The following PPM1B variants were observed in gnomAD, a reference collection of about 807,000 sequenced individuals.
The protein encoded by PPM1B is protein phosphatase, Mg2+/Mn2+ dependent 1B.
A neutral mutation model predicts 43.0 loss-of-function variants in PPM1B; 22 were observed. The ratio of observed to expected loss-of-function variants is 0.51; its 90% CI spans 0.37 to 0.73. The LOEUF (loss-of-function observed/expected upper bound fraction) is 0.73. Ranked by LOEUF, PPM1B falls within the 30% of genes least tolerant of loss-of-function variation. The pLI is 0.00. For missense variants in PPM1B, 632 were observed against 584.2 expected, an observed-to-expected ratio of 1.08 and a Z score of -0.84; for synonymous variants, 217 against 197.9, an observed-to-expected ratio of 1.10 and a Z score of -0.81.
intron 5 of PPM1B, among the ~76,000 whole-genome samples, chr2:44,239,971 A>ACTCCAGCTTGGATGACAGAGCAAGACCCT (rs1324310062): frequency 1.7e-5 from 2 of 118,748 alleles, no homozygotes; most frequent in African/African-American, 2.6e-5. Context: ...GCTGACATCT[A>ACTCCAGCTTGGATGACAGAGCAAGACCCT]GCAGGTATAC....
At chr2:44,245,788 C>T (rs1412089836), downstream of PPM1B, among the ~76,000 whole-genome samples, 1 of 152,164 alleles carries the variant, frequency 6.6e-6, no homozygotes, top group African/African-American at 2.4e-5. Context: ...TAACTATGTG[C>T]CAACCTTGTA....
chr2:44,243,434 C>G (rs908542915), intron 5 of PPM1B, among the ~76,000 whole-genome samples: 1 of 152,108 alleles, frequency 6.6e-6, no homozygotes, highest in South Asian at 2.1e-4. Flanking sequence ...TTTCATCAAC[C>G]TTCAGTTGCA....
chr2:44,171,965 A>G (rs1405095939), intron 1 of PPM1B, among the ~76,000 whole-genome samples: 1 of 152,254 alleles, frequency 6.6e-6, no homozygotes, highest in African/African-American at 2.4e-5. Flanking sequence ...TAAAAATGCA[A>G]CATACAGTAT....
At chr2:44,212,190 T>TA (rs1161539854) in intron 3 of PPM1B, among the ~76,000 whole-genome samples, 1 of 152,198 alleles carries the variant, frequency 6.6e-6, no homozygotes. Flanking sequence ...GAGAGCCTCT[T>TA]AAAACTTGTT....
intron 4 of PPM1B, 41 bp from the exon 5 acceptor site, chr2:44,218,439 T>C: frequency 6.9e-7 from 1 of 1,440,178 alleles, no homozygotes; most frequent in Non-Finnish European, 9.6e-7. Context: ...CTTAAAATTC[T>C]GTGTAATTTA....
chr2:44,235,860 C>T (rs1670593906), downstream of PPM1B, among the ~76,000 whole-genome samples: 4 of 151,738 alleles, frequency 2.6e-5, 1 homozygote, highest in South Asian at 8.4e-4. Flanking sequence ...GATCCAGCCA[C>T]TGCACAGCAG....
chr2:44,218,802 A>G (rs1001235637), intron 5 of PPM1B: 9 of 469,712 alleles, frequency 1.9e-5, no homozygotes, highest in African/African-American at 4.0e-5. Context: ...TTTCTTCTCT[A>G]TATGTCTGCT....
intron 5 of PPM1B, 74 bp from the exon 6 acceptor site, chr2:44,230,339 C>A: frequency 1.3e-6 from 2 of 1,552,074 alleles, no homozygotes; most frequent in Non-Finnish European, 1.7e-6. Context: ...TAGTATTTTG[C>A]TGTAATGTGT....
At chr2:44,243,468 T>C (rs1007033723) in intron 5 of PPM1B, among the ~76,000 whole-genome samples, 7 of 152,326 alleles carry the variant, frequency 4.6e-5, no homozygotes, top group African/African-American at 1.7e-4. Flanking sequence ...TTTTATATCC[T>C]AAGTAAATAT....
At chr2:44,210,913 G>C (rs777127228) in intron 3 of PPM1B, among the ~76,000 whole-genome samples, 3 of 152,088 alleles carry the variant, frequency 2.0e-5, no homozygotes, top group African/African-American at 2.4e-5. Context: ...TGAGGTGCAC[G>C]GCTCACGAGG....
downstream of PPM1B, among the ~76,000 whole-genome samples, chr2:44,246,187 A>T (rs986570000): frequency 6.6e-6 from 1 of 152,212 alleles, no homozygotes; most frequent in African/African-American, 2.4e-5. Context: ...TGGGTAGCAG[A>T]ACTGTCTCCT....
At position 44,231,194 on chromosome 2, in the gene PPM1B, C is replaced by G. The variant is rs191080745; in HGVS notation, c.*476C>G. The G allele has an allele frequency of 2.0e-6, 2 of 984,046 alleles. No homozygotes were observed. Among genetic ancestry groups the G allele is most frequent in the Admixed American group, 6.1e-5 (1 of 16,288 alleles). 61.0% of individuals were successfully genotyped at this position (984,046 alleles called of 1,614,324 possible). ...TGATGCTGGCCTGTAATTTTTCTTT[C>G]AAGGATGATAATTTGTGTGTTGTTT... On this transcript the variant is annotated 3_prime_UTR_variant, in exon 6 of 6. Coordinates refer to ENST00000282412, the MANE Select transcript of PPM1B (RefSeq NM_002706.6).
intron 1 of PPM1B, among the ~76,000 whole-genome samples, chr2:44,193,995 T>G (rs1327138349): frequency 6.6e-6 from 1 of 152,224 alleles, no homozygotes; most frequent in Admixed American, 6.5e-5. Flanking sequence ...GTTGCAGGCA[T>G]GAACTACTGC....
chr2:44,219,779 A>G (rs1669887685), intron 5 of PPM1B, among the ~76,000 whole-genome samples: 1 of 152,038 alleles, frequency 6.6e-6, no homozygotes, highest in African/African-American at 2.4e-5. Flanking sequence ...CCCCGTCTCT[A>G]CTAAACATAC....
chr2:44,246,340 T>G (rs909322024), downstream of PPM1B, among the ~76,000 whole-genome samples: 1 of 152,206 alleles, frequency 6.6e-6, no homozygotes, highest in Admixed American at 6.5e-5. Flanking sequence ...TGCAGGACCT[T>G]TATTTGTTCC....
chr2:44,209,415 C>A, intron 3 of PPM1B, 88 bp downstream of exon 3: 3 of 1,347,814 alleles, frequency 2.2e-6, no homozygotes, highest in South Asian at 1.5e-5. Context: ...CTGGGCGACA[C>A]ACCAAGGCTC....
At chr2:44,170,693 G>A (rs1166354086) in intron 1 of PPM1B, among the ~76,000 whole-genome samples, 1 of 152,156 alleles carries the variant, frequency 6.6e-6, no homozygotes, top group African/African-American at 2.4e-5. Flanking sequence ...ACTTTTAAAT[G>A]GGGCATTTCT....
At chr2:44,216,921 A>G (rs1406672401) in intron 3 of PPM1B, among the ~76,000 whole-genome samples, 2 of 150,782 alleles carry the variant, frequency 1.3e-5, no homozygotes, top group Admixed American at 1.3e-4. Flanking sequence ...AAAAAGGGAC[A>G]TTCACCATAC....
Position 44,212,516 on chromosome 2 carries a change from C to T in PPM1B, c.964+3189C>T, listed in dbSNP as rs570197326. 8.9e-4 allele frequency among the ~76,000 whole-genome samples: 136 copies of T among 152,242 alleles called. 1 individual carries two copies. The highest frequency in any genetic ancestry group is 3.1e-3 in the African/African-American group (129 of 41,534). ...TTTTGCTTAGCTAAGCAAATCCAAT[C>T]GTGTTGGACAAAATTATTCAGGAAC... On this transcript the variant is annotated intron_variant, in intron 3 of 5. Transcript: ENST00000282412.
Sources: gnomAD v4.1 joint callset for allele counts (sites outside exome capture counted in the v4.1 genomes callset) on GRCh38, gnomAD v4.1.1 for gene constraint, MANE v1.5 for transcripts, NCBI Gene and HGNC (gene_info 2026-07-23, HGNC 2026-07-21) for gene names.